The following ATG4C variants were observed in gnomAD, a reference collection of about 807,000 sequenced individuals.
The protein encoded by ATG4C is autophagy related 4C cysteine peptidase.
In ATG4C, 56 loss-of-function variants were observed where a neutral mutation model predicts 57.6. The observed-to-expected ratio is 0.97, with a 90% CI of 0.78 to 1.21. The LOEUF (loss-of-function observed/expected upper bound fraction) is 1.21. Among genes scored for constraint, ATG4C ranks in the 50% most tolerant of loss-of-function variants. The probability of loss-of-function intolerance (pLI) is 0.00; values close to 1 mark genes in which losing one functional copy is unlikely to be tolerated. For synonymous variants in ATG4C, 157 were observed against 174.1 expected, an observed-to-expected ratio of 0.90 and a Z score of 0.78; for missense variants, 595 against 529.8, an observed-to-expected ratio of 1.12 and a Z score of -1.21.
At chr1:62,853,535 C>G (rs1031760830) in intron 10 of ATG4C, among the ~76,000 whole-genome samples, 1 of 152,210 alleles carries the variant, frequency 6.6e-6, no homozygotes, top group African/African-American at 2.4e-5. Flanking sequence ...CAGCCCCGAC[C>G]TCGTGGTCTC....
intron 7 of ATG4C, among the ~76,000 whole-genome samples, chr1:62,832,193 G>GTTTTA (rs56799376): frequency 0.64 from 96,348 of 151,244 alleles, 30,971 homozygotes; most frequent in African/African-American, 0.74. Context: ...TGCTTTCTCT[G>GTTTTA]TTTAATTTTT....
chr1:62,804,095 T>C (rs1572105746), intron 2 of ATG4C, among the ~76,000 whole-genome samples: 2 of 151,702 alleles, frequency 1.3e-5, no homozygotes, highest in South Asian at 4.2e-4. Context: ...TTTTCTTTTT[T>C]TTTTTTTTTG....
At position 62,828,329 on chromosome 1, in the gene ATG4C, T is replaced by G. The variant is rs565387198; in HGVS notation, c.797-711T>G. 5.9e-5 allele frequency among the ~76,000 whole-genome samples: 9 copies of G among 152,362 alleles called. No homozygotes were observed. The East Asian group carries it at 1.7e-3, about 29-fold the overall frequency. ...CAGCATCTGTTATCTTTTGACTTTT[T>G]AATAATAGCCATTCTGACTGGTGTG... On this transcript the variant is annotated intron_variant, in intron 6 of 10. Coordinates refer to ENST00000317868, the MANE Select transcript of ATG4C (RefSeq NM_032852.4).
intron 1 of ATG4C, among the ~76,000 whole-genome samples, chr1:62,795,463 C>T (rs539122617): frequency 6.6e-6 from 1 of 152,266 alleles, no homozygotes; most frequent in East Asian, 1.9e-4. Flanking sequence ...GTATCATTAA[C>T]CGTAAAGTTA....
intron 10 of ATG4C, among the ~76,000 whole-genome samples, chr1:62,851,726 A>T (rs1360950566): frequency 6.6e-6 from 1 of 152,212 alleles, no homozygotes; most frequent in Admixed American, 6.5e-5. Flanking sequence ...TAAAAAAAAT[A>T]AATAGCTACA....
chr1:62,816,320 G>A (rs1665269763), intron 3 of ATG4C, among the ~76,000 whole-genome samples: 1 of 151,812 alleles, frequency 6.6e-6, no homozygotes, highest in Non-Finnish European at 1.5e-5. Flanking sequence ...TTAATAACAA[G>A]AGTATTGTTG....
chr1:62,828,138 A>C (rs1665726359), intron 6 of ATG4C, among the ~76,000 whole-genome samples: 1 of 152,200 alleles, frequency 6.6e-6, no homozygotes, highest in Non-Finnish European at 1.5e-5. Flanking sequence ...TTATGGTAGA[A>C]TGATTTATAT....
At chr1:62,830,776 T>C (rs1431986028) in intron 7 of ATG4C, among the ~76,000 whole-genome samples, 1 of 152,168 alleles carries the variant, frequency 6.6e-6, no homozygotes, top group Non-Finnish European at 1.5e-5. Flanking sequence ...ATTAGGACTT[T>C]TCTTTTTGTA....
chr1:62,834,673 T>C, intron 8 of ATG4C, 103 bp from the exon 9 acceptor site: 1 of 845,436 alleles, frequency 1.2e-6, no homozygotes, highest in South Asian at 1.6e-5. Context: ...GGCAAGCTGT[T>C]ACTCCCAGAT....
chr1:62,785,186 T>G (rs2100269002), intron 1 of ATG4C: 1 of 152,358 alleles, frequency 6.6e-6, no homozygotes, highest in East Asian at 1.9e-4. Flanking sequence ...GGAATGATCT[T>G]CTTGCTTGCT....
chr1:62,813,391 A>G (rs1294651066), intron 3 of ATG4C, among the ~76,000 whole-genome samples: 1 of 152,248 alleles, frequency 6.6e-6, no homozygotes, highest in Non-Finnish European at 1.5e-5. Flanking sequence ...AAAACTGGCT[A>G]GCCATATGCA....
chr1:62,846,438 T>C (rs1308644969), intron 10 of ATG4C, among the ~76,000 whole-genome samples: 1 of 152,296 alleles, frequency 6.6e-6, no homozygotes, highest in Non-Finnish European at 1.5e-5. Flanking sequence ...TGCAGTCATA[T>C]AGCTTTAAAT....
chr1:62,814,030 A>T (rs138847339), intron 3 of ATG4C, among the ~76,000 whole-genome samples: 1 of 152,342 alleles, frequency 6.6e-6, no homozygotes, highest in African/African-American at 2.4e-5. Context: ...TGTGGAAGAC[A>T]GTGTGGCGAT....
chr1:62,794,344 C>T (rs997141142), intron 1 of ATG4C, among the ~76,000 whole-genome samples: 9 of 152,078 alleles, frequency 5.9e-5, no homozygotes, highest in South Asian at 2.1e-4. Flanking sequence ...GTATTTTACT[C>T]GTTAGATTTA....
Position 62,797,271 on chromosome 1 carries a change from G to A in ATG4C, c.-68-6448G>A, listed in dbSNP as rs538173551. On this transcript the variant is annotated intron_variant, in intron 1 of 10. Transcript: ENST00000317868. Reference sequence around the variant, plus strand: ...CCTTTTTTTCTCACTCAATGCCCTCGATATCTTTTTATAGTGATATAGATC... The same window carrying A: ...CCTTTTTTTCTCACTCAATGCCCTCAATATCTTTTTATAGTGATATAGATC... Among the ~76,000 whole-genome samples, 20 of 150,752 alleles carry A rather than the reference G, an allele frequency of 1.3e-4. No homozygotes were observed. In the Middle Eastern group the frequency reaches 0.014, roughly 103 times the overall value.
intron 6 of ATG4C, among the ~76,000 whole-genome samples, 155 bp from the exon 7 acceptor site, chr1:62,828,885 C>T (rs1331755945): frequency 6.6e-6 from 1 of 152,030 alleles, no homozygotes; most frequent in Non-Finnish European, 1.5e-5. Context: ...GCCAGTTATC[C>T]TAGTGGTATT....
intron 3 of ATG4C, 48 bp downstream of exon 3, chr1:62,805,303 C>T (rs1371841349): frequency 1.2e-5 from 18 of 1,453,772 alleles, no homozygotes; most frequent in Non-Finnish European, 1.6e-5. Flanking sequence ...TAGAAATCAT[C>T]ATGTAACTTT....
At chr1:62,839,120 A>G (rs768540295) in intron 9 of ATG4C, among the ~76,000 whole-genome samples, 1 of 152,176 alleles carries the variant, frequency 6.6e-6, no homozygotes, top group Non-Finnish European at 1.5e-5. Flanking sequence ...GTGCAGTGGC[A>G]CCACCATAGC....
chr1:62,805,400 T>A, intron 3 of ATG4C, 145 bp downstream of exon 3: 1 of 1,199,168 alleles, frequency 8.3e-7, no homozygotes. Flanking sequence ...TATTACTATG[T>A]TGTTTGGGTT....
Sources: gnomAD v4.1 joint callset for allele counts (sites outside exome capture counted in the v4.1 genomes callset) on GRCh38, gnomAD v4.1.1 for gene constraint, MANE v1.5 for transcripts, NCBI Gene and HGNC (gene_info 2026-07-23, HGNC 2026-07-21) for gene names.